ACTR3C: variants seen among roughly 807,000 people sequenced by gnomAD.
ACTR3C encodes actin related protein 3C.
A neutral mutation model predicts 26.3 loss-of-function variants in ACTR3C; 18 were observed. The ratio of observed to expected loss-of-function variants is 0.68; its 90% CI spans 0.47 to 1.01. The LOEUF (loss-of-function observed/expected upper bound fraction) is 1.01, where lower values mean the gene tolerates loss of function less well. ACTR3C is among the 50% of genes least tolerant of loss of function. ACTR3C has a pLI of 0.00. For missense variants in ACTR3C, 184 were observed against 250.7 expected, an observed-to-expected ratio of 0.73 and a Z score of 1.80; for synonymous variants, 55 against 94.5, an observed-to-expected ratio of 0.58 and a Z score of 2.42.
chr7:150,181,392 G>A, the ACTR3C span, among the ~76,000 whole-genome samples: 4 of 150,594 alleles, frequency 2.7e-5, no homozygotes, highest in South Asian at 4.2e-4. Context: ...AAGACAGGCC[G>A]GGCAACATAG....
the ACTR3C span, among the ~76,000 whole-genome samples, chr7:150,119,193 A>G: frequency 2.0e-5 from 3 of 152,224 alleles, no homozygotes; most frequent in African/African-American, 7.2e-5. Flanking sequence ...TGGGCAAAAT[A>G]ACCAGCTACC....
At chr7:150,089,517 T>G in the ACTR3C span, among the ~76,000 whole-genome samples, 1 of 152,314 alleles carries the variant, frequency 6.6e-6, no homozygotes, top group East Asian at 1.9e-4. Flanking sequence ...ACTTTCTTCC[T>G]TGGGAGAGTG....
chr7:150,249,346 T>C (rs1832670225), intron 6 of ACTR3C, among the ~76,000 whole-genome samples: 1 of 152,150 alleles, frequency 6.6e-6, no homozygotes, highest in Non-Finnish European at 1.5e-5. Context: ...GAAAGGGAAA[T>C]AAAGAGGTTT....
chr7:150,180,222 G>T, the ACTR3C span, among the ~76,000 whole-genome samples: 7 of 149,624 alleles, frequency 4.7e-5, no homozygotes, highest in African/African-American at 1.8e-4. Context: ...GGAGAATGGC[G>T]TGAACCCGGG....
the ACTR3C span, among the ~76,000 whole-genome samples, chr7:149,899,609 A>G: frequency 6.8e-6 from 1 of 147,364 alleles, no homozygotes; most frequent in African/African-American, 2.5e-5. Context: ...AAGTAAAAAA[A>G]AAAAACAGAG....
the ACTR3C span, among the ~76,000 whole-genome samples, chr7:150,154,739 G>A: frequency 2.6e-5 from 4 of 151,994 alleles, no homozygotes; most frequent in Admixed American, 1.3e-4. Context: ...GAAAATTCTC[G>A]TATTTGGAAG....
At chr7:150,173,041 G>A in the ACTR3C span, among the ~76,000 whole-genome samples, 1 of 149,670 alleles carries the variant, frequency 6.7e-6, no homozygotes, top group Admixed American at 6.6e-5. Flanking sequence ...GCTTTTCCAG[G>A]TGAACGGTGC....
the ACTR3C span, among the ~76,000 whole-genome samples, chr7:150,067,052 T>C: frequency 4.6e-5 from 7 of 152,206 alleles, no homozygotes; most frequent in African/African-American, 1.7e-4. Context: ...ATGAGAAATA[T>C]AACTGCATCA....
At chr7:150,029,262 C>T in the ACTR3C span, among the ~76,000 whole-genome samples, 3 of 151,972 alleles carry the variant, frequency 2.0e-5, no homozygotes, top group Non-Finnish European at 4.4e-5. Context: ...TTTCATTCAA[C>T]TTCAAACGAG....
the ACTR3C span, among the ~76,000 whole-genome samples, chr7:150,214,654 G>T: frequency 6.6e-6 from 1 of 152,080 alleles, no homozygotes; most frequent in African/African-American, 2.4e-5. Context: ...CAAGATAATG[G>T]CCACCAAATT....
At chr7:150,151,053 T>TATAG in the ACTR3C span, among the ~76,000 whole-genome samples, 1 of 95,694 alleles carries the variant, frequency 1.0e-5, no homozygotes. Flanking sequence ...ACAGTAAAAC[T>TATAG]ATATTTTCCT....
the ACTR3C span, chr7:150,002,072 C>A: frequency 6.6e-6 from 1 of 152,394 alleles, no homozygotes. Context: ...GTCCGTGCAT[C>A]TGCTGTGCAC....
chr7:150,034,084 C>G, the ACTR3C span, among the ~76,000 whole-genome samples: 1 of 151,426 alleles, frequency 6.6e-6, no homozygotes, highest in Non-Finnish European at 1.5e-5. Flanking sequence ...GGGTGCCTCC[C>G]ACCCCGCGAT....
chr7:150,265,063 G>C (rs1205298327), intron 6 of ACTR3C, among the ~76,000 whole-genome samples: 1 of 152,054 alleles, frequency 6.6e-6, no homozygotes, highest in African/African-American at 2.4e-5. Flanking sequence ...AAAAGATAGT[G>C]AGAGATAAAA....
the ACTR3C span, among the ~76,000 whole-genome samples, chr7:150,135,444 G>C: frequency 1.3e-5 from 2 of 152,152 alleles, no homozygotes; most frequent in Non-Finnish European, 2.9e-5. Flanking sequence ...AGGAGGGACC[G>C]GAATGGTTAA....
chr7:149,961,738 G>C, the ACTR3C span, among the ~76,000 whole-genome samples: 4 of 152,186 alleles, frequency 2.6e-5, no homozygotes, highest in African/African-American at 9.6e-5. Flanking sequence ...CTCAGAGGAA[G>C]TGTACACTCA....
At chr7:150,034,106 C>A in the ACTR3C span, among the ~76,000 whole-genome samples, 2 of 149,232 alleles carry the variant, frequency 1.3e-5, no homozygotes, top group Admixed American at 1.3e-4. Context: ...CAGGTCCCAA[C>A]AACCGGGGGG....
chr7:150,094,532 GCCAGTTCC>G, the ACTR3C span, among the ~76,000 whole-genome samples: 1 of 150,516 alleles, frequency 6.6e-6, no homozygotes, highest in Non-Finnish European at 1.5e-5. Flanking sequence ...CCTCGTATGT[GCCAGTTCC>G]CCGTAACTGT....
chr7:150,243,684 T>C (rs901177565), downstream of ACTR3C, among the ~76,000 whole-genome samples: 17 of 152,142 alleles, frequency 1.1e-4, no homozygotes, highest in African/African-American at 3.9e-4. Flanking sequence ...CTTTAAATCA[T>C]CATAGATTAC....
Sources: gnomAD v4.1 joint callset for allele counts (sites outside exome capture counted in the v4.1 genomes callset) on GRCh38, gnomAD v4.1.1 for gene constraint, MANE v1.5 for transcripts, NCBI Gene and HGNC (gene_info 2026-07-23, HGNC 2026-07-21) for gene names.